The following SHROOM3 variants were observed in gnomAD, a reference collection of about 807,000 sequenced individuals.
SHROOM3 encodes the protein protein Shroom3.
In SHROOM3, 47 loss-of-function variants were observed where a neutral mutation model predicts 138.6. That is an observed-to-expected ratio of 0.34 (90% CI 0.27 to 0.43). SHROOM3 has a LOEUF of 0.43. Ranked by LOEUF, SHROOM3 falls within the 20% of genes least tolerant of loss-of-function variation. The pLI is 1.00. For synonymous variants in SHROOM3, 1,062 were observed against 1,063.3 expected (o/e 1.00, Z 0.02); for missense variants, 2,491 against 2,596.5 (o/e 0.96, Z 0.88).
chr4:76,748,675 T>C (rs757292922), intron 5 of SHROOM3, among the ~76,000 whole-genome samples: 23 of 152,214 alleles, frequency 1.5e-4, no homozygotes, highest in Non-Finnish European at 3.2e-4. Flanking sequence ...TTGAATTCAT[T>C]GTCTTCGTTA....
chr4:76,693,384 T>TTTTTG (rs1719623240), intron 2 of SHROOM3, among the ~76,000 whole-genome samples: 2 of 129,012 alleles, frequency 1.6e-5, no homozygotes, highest in Admixed American at 1.7e-4. Context: ...TTTTTTTTTT[T>TTTTTG]TTTTTTTTTA....
At chr4:76,750,259 A>C (rs1263748151) in intron 6 of SHROOM3, among the ~76,000 whole-genome samples, 2 of 152,192 alleles carry the variant, frequency 1.3e-5, no homozygotes, top group Non-Finnish European at 2.9e-5. Flanking sequence ...CTGCTAAAGA[A>C]AATTGGTCTG....
At chr4:76,564,732 T>TTCCTAGTG (rs1167711692) in intron 2 of SHROOM3, among the ~76,000 whole-genome samples, 1 of 152,214 alleles carries the variant, frequency 6.6e-6, no homozygotes, top group African/African-American at 2.4e-5. Flanking sequence ...TGTTCTATTG[T>TTCCTAGTG]TCCTAGTGAA....
intron 2 of SHROOM3, among the ~76,000 whole-genome samples, chr4:76,683,559 T>C (rs2110104373): frequency 6.6e-6 from 1 of 152,280 alleles, no homozygotes; most frequent in East Asian, 1.9e-4. Flanking sequence ...TTTCTACCTT[T>C]TTTTCTTTCT....
At chr4:76,631,001 G>T (rs1489429037) in intron 2 of SHROOM3, among the ~76,000 whole-genome samples, 1 of 152,122 alleles carries the variant, frequency 6.6e-6, no homozygotes, top group Non-Finnish European at 1.5e-5. Context: ...ATTGTAGGAT[G>T]AATAAGATAG....
Position 76,741,500 on chromosome 4 carries a change from CG to C in SHROOM3, c.3330del (p.Pro1111HisfsTer29). ...CCGCCGGCTGCAGCCTCCAGGAGCC[CG>C]GGCCACTGCGTGAGCGCGCCCAGAG... ...SAAGCSLQEP[G>X]PLRERAQSAY... On this transcript the variant is annotated frameshift_variant, in exon 5 of 11. Coordinates refer to ENST00000296043, the MANE Select transcript of SHROOM3 (RefSeq NM_020859.4). LOFTEE classifies it high-confidence loss of function. The surrounding 1 kb of genome is among the most constrained non-coding windows in gnomAD (Gnocchi z 6.2). The C allele has an allele frequency of 6.4e-7, 1 of 1,554,910 alleles. No homozygotes were observed. The highest frequency in any genetic ancestry group is 8.7e-7 in the Non-Finnish European group (1 of 1,155,326).
chr4:76,586,158 C>T, intron 2 of SHROOM3: 2 of 764,566 alleles, frequency 2.6e-6, no homozygotes, highest in Non-Finnish European at 3.2e-6. Context: ...GGGCCAGCTC[C>T]TGTCAGGCAG....
At chr4:76,672,957 T>C (rs1177457220) in intron 2 of SHROOM3, among the ~76,000 whole-genome samples, 1 of 152,196 alleles carries the variant, frequency 6.6e-6, no homozygotes, top group African/African-American at 2.4e-5. Context: ...TTCTCTTCCC[T>C]ACAAATTTCC....
intron 1 of SHROOM3, among the ~76,000 whole-genome samples, chr4:76,539,286 G>C (rs1234407090): frequency 6.6e-6 from 1 of 151,964 alleles, no homozygotes; most frequent in Non-Finnish European, 1.5e-5. Flanking sequence ...TGTTGCTTCT[G>C]CTATTTTATT....
intron 2 of SHROOM3, among the ~76,000 whole-genome samples, chr4:76,603,860 T>TTTTTG (rs1734562049): frequency 7.6e-6 from 1 of 131,124 alleles, no homozygotes; most frequent in Admixed American, 7.8e-5. Context: ...TTTTTTTTTT[T>TTTTTG]GAGATGGAGT....
chr4:76,545,948 C>A (rs573664946), intron 1 of SHROOM3, among the ~76,000 whole-genome samples: 1 of 152,206 alleles, frequency 6.6e-6, no homozygotes, highest in East Asian at 1.9e-4. Flanking sequence ...TGCTTCCCAG[C>A]CAGGTTATAA....
intron 3 of SHROOM3, among the ~76,000 whole-genome samples, chr4:76,714,950 C>T (rs1720330296): frequency 2.0e-5 from 3 of 152,088 alleles, no homozygotes; most frequent in Admixed American, 2.0e-4. Flanking sequence ...GGTCTAAGTC[C>T]TGTTTGGAAA....
chr4:76,443,375 T>C (rs1365406056), intron 1 of SHROOM3, among the ~76,000 whole-genome samples: 1 of 152,244 alleles, frequency 6.6e-6, no homozygotes, highest in Non-Finnish European at 1.5e-5. Context: ...TCATCTCATT[T>C]TAGTGAGCCC....
intron 2 of SHROOM3, among the ~76,000 whole-genome samples, chr4:76,693,373 T>G (rs1366520027): frequency 8.3e-6 from 1 of 120,050 alleles, no homozygotes; most frequent in Non-Finnish European, 1.6e-5. Context: ...TAAGTTTGTT[T>G]TTTTTTTTTT....
intron 3 of SHROOM3, among the ~76,000 whole-genome samples, chr4:76,721,836 G>T (rs572438127): frequency 1.3e-5 from 2 of 152,332 alleles, no homozygotes; most frequent in East Asian, 3.9e-4. Flanking sequence ...TTAGCTTGTA[G>T]GGGCAAGAGA....
rs2110143441 is a variant in SHROOM3 at position 76,754,361 on chromosome 4, A to G, written c.3878A>G (p.His1293Arg). The stretch of plus-strand genomic sequence containing the variant: ...CAAGAAGAGATGCTGCCGCTCTTCC[A>G]CCATCTCACCCCTCGTTGGGGTGGT... ...RGQEEMLPLF[H>R]HLTPRWGGSG... Residue 1293 changes from histidine to arginine, a missense_variant, in exon 7 of 11, where the codon CAC becomes CGC. By Grantham distance (29) the His-to-Arg change is conservative. Coordinates refer to ENST00000296043, the MANE Select transcript of SHROOM3 (RefSeq NM_020859.4). 1.2e-6 allele frequency: 2 copies of G among 1,614,160 alleles called. No homozygotes were observed. The highest frequency in any genetic ancestry group is 1.7e-6 in the Non-Finnish European group (2 of 1,180,024).
intron 9 of SHROOM3, among the ~76,000 whole-genome samples, chr4:76,763,736 A>AT (rs1165764170): frequency 6.6e-6 from 1 of 152,204 alleles, no homozygotes; most frequent in Admixed American, 6.5e-5. Flanking sequence ...ACCCTTTGAG[A>AT]TTTTAGTTTG....
At chr4:76,697,751 G>A (rs924659150) in intron 2 of SHROOM3, among the ~76,000 whole-genome samples, 13 of 152,170 alleles carry the variant, frequency 8.5e-5, no homozygotes, top group Non-Finnish European at 1.5e-5. Context: ...CAATTGTAAT[G>A]TTTTTAAATG....
chr4:76,451,262 A>G (rs1416609235), intron 1 of SHROOM3, among the ~76,000 whole-genome samples: 2 of 152,178 alleles, frequency 1.3e-5, no homozygotes, highest in Admixed American at 6.5e-5. Flanking sequence ...TATTGATTTA[A>G]TTAACTGAAA....
Sources: allele counts gnomAD v4.1 joint callset (sites outside exome capture counted in the v4.1 genomes callset), GRCh38; gene constraint gnomAD v4.1.1; non-coding constraint Gnocchi (gnomAD v3.1); transcripts MANE v1.5; gene names NCBI Gene and HGNC (gene_info 2026-07-23, HGNC 2026-07-21).